SCO1: variants seen among roughly 807,000 people sequenced by gnomAD.
SCO1 encodes the protein cytochrome c oxidase assembly factor SCO1.
In SCO1, 23 loss-of-function variants were observed where a neutral mutation model predicts 34.0. The observed-to-expected ratio is 0.68, with a 90% CI of 0.49 to 0.96. The LOEUF is 0.96. Among genes scored for constraint, SCO1 ranks in the 40% least tolerant of loss-of-function variants. The pLI is 0.00. For missense variants in SCO1, 404 were observed against 381.6 expected (o/e 1.06, Z -0.49); for synonymous variants, 161 against 145.5 (o/e 1.11, Z -0.77).
chr17:10,690,981 A>G (rs573269364), intron 4 of SCO1, among the ~76,000 whole-genome samples: 4 of 152,340 alleles, frequency 2.6e-5, no homozygotes, highest in East Asian at 3.9e-4. Flanking sequence ...GGAAACTAAA[A>G]AAGTTGATCT....
In SCO1 at chr17:10,675,200, G is replaced by T. The variant is rs1221709441; in HGVS notation, c.*5919C>A. ...ACACTGTCTCTGGGGCCTAAGTGTG[G>T]CTACTCTGCTCTGCCACACCACACC... is the stretch of plus-strand genomic sequence containing the variant. On this transcript the variant is annotated 3_prime_UTR_variant, in exon 6 of 6. Coordinates refer to ENST00000255390, the MANE Select transcript of SCO1 (RefSeq NM_004589.4). 6.6e-6 allele frequency: 1 copy of T among 152,152 alleles called. No individual in the cohort carries two copies. Among genetic ancestry groups the T allele is most frequent in the African/African-American group, 2.4e-5 (1 of 41,404 alleles). The allele number at this position is 152,152 out of a possible 1,614,324, so 9.4% of individuals were successfully genotyped here. A position where few individuals can be genotyped will look rare whatever the true frequency, so the allele number is the denominator to read the frequency against.
intron 4 of SCO1, among the ~76,000 whole-genome samples, chr17:10,689,092 G>A (rs1165949022): frequency 8.4e-6 from 1 of 118,352 alleles, no homozygotes; most frequent in Admixed American, 9.9e-5. Flanking sequence ...CTCCAGCCTG[G>A]GCGACAGAGC....
rs1397850262 is a variant in SCO1, at chr17:10,677,099, G to C, written c.*4020C>G. The C allele has an allele frequency of 6.6e-6, 1 of 152,248 alleles. No individual in the cohort carries two copies. The highest frequency in any genetic ancestry group is 1.5e-5 in the Non-Finnish European group (1 of 68,082). The allele number at this position is 152,248 out of a possible 1,614,324, so 9.4% of individuals were successfully genotyped here. On this transcript the variant is annotated 3_prime_UTR_variant, in exon 6 of 6. Transcript: ENST00000255390. Reference sequence around the variant, plus strand: ...AGGCGGGCGGATCACCTGAGGTTGAGAGTTCGAGACCAGCCTGACCAACAT... The same window carrying C: ...AGGCGGGCGGATCACCTGAGGTTGACAGTTCGAGACCAGCCTGACCAACAT...
intron 5 of SCO1, 138 bp from the exon 6 acceptor site, chr17:10,681,391 G>C: frequency 1.0e-6 from 1 of 955,232 alleles, no homozygotes; most frequent in Non-Finnish European, 1.6e-6. Flanking sequence ...TATGGAATAG[G>C]CTTAAGTCTA....
At position 10,679,685 on chromosome 17, in the gene SCO1, C is replaced by G. The variant is rs1353224193; in HGVS notation, c.*1434G>C. On this transcript the variant is annotated 3_prime_UTR_variant, in exon 6 of 6. Coordinates refer to ENST00000255390, the MANE Select transcript of SCO1 (RefSeq NM_004589.4). ...AAATTTAGAAACAAAAGCCAAGATT[C>G]ATTCTATCACTCAATAATCATTTTC... 1 of 152,194 alleles carries G rather than the reference C, an allele frequency of 6.6e-6. No homozygotes were observed. The highest frequency in any genetic ancestry group is 1.9e-4 in the East Asian group (1 of 5,188). The allele number at this position is 152,194 out of a possible 1,614,324, so 9.4% of individuals were successfully genotyped here. A position where few individuals can be genotyped will look rare whatever the true frequency, so the allele number is the denominator to read the frequency against.
intron 5 of SCO1, among the ~76,000 whole-genome samples, chr17:10,681,898 G>C (rs1440922811): frequency 2.0e-5 from 3 of 152,126 alleles, no homozygotes; most frequent in Non-Finnish European, 4.4e-5. Flanking sequence ...AACAGGAAAA[G>C]AAACATTTTT....
In SCO1 at chr17:10,673,238, G is replaced by C. The variant is rs996177645; in HGVS notation, c.*7881C>G. ...AGGATGATCTCGATCTCTTGATCTC[G>C]TGATCTGCCTTTTCTTTATCTTGTC... On this transcript the variant is annotated 3_prime_UTR_variant, in exon 6 of 6. Transcript: ENST00000255390. The C allele has an allele frequency of 6.6e-6, 1 of 152,136 alleles. No homozygotes were observed. The highest frequency in any genetic ancestry group is 6.6e-5 in the Admixed American group (1 of 15,264). The allele number at this position is 152,136 out of a possible 1,614,324, so 9.4% of individuals were successfully genotyped here.
rs766336102 is a variant in SCO1, at chr17:10,686,837, A to G, written c.661T>C (p.Ser221Pro). 1 of 1,606,870 alleles carries G rather than the reference A, an allele frequency of 6.2e-7. No homozygotes were observed. Among genetic ancestry groups the G allele is most frequent in the Non-Finnish European group, 8.5e-7 (1 of 1,173,388 alleles). ...EAIANYVKEF[S>P]PKLVGLTGTR... The stretch of plus-strand genomic sequence containing the variant: ...CCAGTCAAGCCAACCAGTTTGGGAG[A>G]AAATTCTAAATAAAAAATGAGAGAG... The change falls in exon 5 of 6, where the codon TCT becomes CCT. Residue 221 changes from serine to proline, a missense_variant. By Grantham distance (74) the Ser-to-Pro change is moderately conservative (BLOSUM62 -1). Coordinates refer to ENST00000255390, the MANE Select transcript of SCO1 (RefSeq NM_004589.4).
Position 10,697,368 on chromosome 17 carries a change from C to G in SCO1, c.140G>C (p.Arg47Pro), listed in dbSNP as rs746265672. 6.3e-7 allele frequency: 1 copy of G among 1,595,592 alleles called. No homozygotes were observed. The highest frequency in any genetic ancestry group is 1.1e-5 in the South Asian group (1 of 88,926). ...CGAGGCACGCCACGCCTCCGCTTGC[C>G]GCGCGCAGAACTGCCTCAGCAAGAC... The part of the protein sequence containing the change: ...ARVLLRQFCA[R>P]QAEAWRASGR... The change falls in exon 1 of 6, where the codon CGG becomes CCG. Residue 47 changes from arginine to proline, a missense_variant. Transcript: ENST00000255390.
chr17:10,693,062 G>A, intron 2 of SCO1, 101 bp from the exon 3 acceptor site: 1 of 969,898 alleles, frequency 1.0e-6, no homozygotes, highest in Non-Finnish European at 1.6e-6. Flanking sequence ...CTCATGGTGG[G>A]GGCACAAAAT....
Position 10,672,922 on chromosome 17 carries a change from A to C in SCO1, c.*8197T>G, listed in dbSNP as rs1412386488. On this transcript the variant is annotated 3_prime_UTR_variant, in exon 6 of 6. Transcript: ENST00000255390. ...TGGATGCTGAGTAGATACATAAAACACTCAAAAGAGAGTTGAAGTTTAGGT... is the reference window on the plus strand; with the variant it reads ...TGGATGCTGAGTAGATACATAAAACCCTCAAAAGAGAGTTGAAGTTTAGGT... The C allele has an allele frequency of 1.3e-5, 2 of 152,052 alleles. No homozygotes were observed. The highest frequency in any genetic ancestry group is 4.8e-5 in the African/African-American group (2 of 41,400). The allele number at this position is 152,052 out of a possible 1,614,324, so 9.4% of individuals were successfully genotyped here.
chr17:10,694,595 G>A, intron 2 of SCO1, among the ~76,000 whole-genome samples: 1 of 152,202 alleles, frequency 6.6e-6, no homozygotes, highest in Non-Finnish European at 1.5e-5. Flanking sequence ...TGGAGCTAAT[G>A]ACGCAACATG....
At chr17:10,682,485 C>A (rs1433257377) in intron 5 of SCO1, among the ~76,000 whole-genome samples, 1 of 152,166 alleles carries the variant, frequency 6.6e-6, no homozygotes. Context: ...CCAGTTCTCT[C>A]TTCAAGCCTT....
intron 5 of SCO1, 70 bp from the exon 6 acceptor site, chr17:10,681,323 C>T: frequency 2.0e-6 from 3 of 1,511,452 alleles, no homozygotes; most frequent in Non-Finnish European, 2.7e-6. Flanking sequence ...TGAATGTATG[C>T]TGCAAGATAA....
rs761217696 is a variant in SCO1, at chr17:10,686,774, T to G, written c.724A>C (p.Arg242=). 8 of 1,613,920 alleles carry G rather than the reference T, an allele frequency of 5.0e-6. 1 individual carries two copies. The highest frequency in any genetic ancestry group is 6.8e-6 in the Non-Finnish European group (8 of 1,179,916). ...TTGGGGCCAGGGCTGTAATACACTCTGTATGCTCTGGCCACTTGATCGACC... is the reference window on the plus strand; with the variant it reads ...TTGGGGCCAGGGCTGTAATACACTCGGTATGCTCTGGCCACTTGATCGACC... ...EEVDQVARAY[R]VYYSPGPKDE... is the part of the protein sequence containing the mutation. The change falls in exon 5 of 6, where the codon AGA becomes CGA. Residue 242 remains arginine, a synonymous_variant. Coordinates refer to ENST00000255390, the MANE Select transcript of SCO1 (RefSeq NM_004589.4).
At chr17:10,692,661 T>C in intron 3 of SCO1, 103 bp downstream of exon 3, 1 of 927,148 alleles carries the variant, frequency 1.1e-6, no homozygotes, top group Non-Finnish European at 1.7e-6. Context: ...TTCTTACAAA[T>C]CACATAATTG....
chr17:10,684,625 A>G (rs985996961), intron 5 of SCO1, among the ~76,000 whole-genome samples: 3 of 152,218 alleles, frequency 2.0e-5, no homozygotes, highest in Non-Finnish European at 4.4e-5. Context: ...CTGAGTTATG[A>G]GTTCTAAGCA....
At chr17:10,693,481 T>G (rs1200524520) in intron 2 of SCO1, among the ~76,000 whole-genome samples, 1 of 152,202 alleles carries the variant, frequency 6.6e-6, no homozygotes, top group East Asian at 1.9e-4. Flanking sequence ...GAAAGAGAGC[T>G]AGGCTGAACC....
rs1017567613 is a variant in SCO1 at position 10,678,178 on chromosome 17, C to T, written c.*2941G>A. ...TTTCCCAAGATTTGCAGCTGAAAAA[C>T]GTTGCCCCACTGGCATACGGAACCT... On this transcript the variant is annotated 3_prime_UTR_variant, in exon 6 of 6. Coordinates refer to ENST00000255390, the MANE Select transcript of SCO1 (RefSeq NM_004589.4). 2 of 152,144 alleles carry T rather than the reference C, an allele frequency of 1.3e-5. No individual in the cohort carries two copies. The highest frequency in any genetic ancestry group is 2.9e-5 in the Non-Finnish European group (2 of 68,058). The allele number at this position is 152,144 out of a possible 1,614,324, so 9.4% of individuals were successfully genotyped here. A position where few individuals can be genotyped will look rare whatever the true frequency, so the allele number is the denominator to read the frequency against.
Sources: allele counts gnomAD v4.1 joint callset (sites outside exome capture counted in the v4.1 genomes callset), GRCh38; gene constraint gnomAD v4.1.1; transcripts MANE v1.5; gene names NCBI Gene and HGNC (gene_info 2026-07-23, HGNC 2026-07-21).